CALCR: variants seen among roughly 807,000 people sequenced by gnomAD.
CALCR encodes calcitonin receptor.
A neutral mutation model predicts 59.5 loss-of-function variants in CALCR; 47 were observed. That is an observed-to-expected ratio of 0.79 (90% CI 0.63 to 1.01). The LOEUF (loss-of-function observed/expected upper bound fraction) is 1.01, where lower values mean the gene tolerates loss of function less well. Ranked by LOEUF, CALCR falls within the 50% of genes least tolerant of loss-of-function variation. The pLI is 0.00. For missense variants in CALCR, 566 were observed against 597.1 expected, an observed-to-expected ratio of 0.95 and a Z score of 0.54; for synonymous variants, 213 against 211.3, an observed-to-expected ratio of 1.01 and a Z score of -0.07.
At position 93,486,911 on chromosome 7, in the gene CALCR, A is replaced by T; in HGVS notation, c.51+20T>A. ...AGCATTCTTCATTAGCATGGCTTTG[A>T]ATACTTTTGTTTTACTTACATTTAG... On this transcript the variant is annotated intron_variant, in intron 3 of 13. Transcript: ENST00000426151. 2 of 1,411,318 alleles carry T rather than the reference A, an allele frequency of 1.4e-6. No individual in the cohort carries two copies. The highest frequency in any genetic ancestry group is 1.7e-5 in the Admixed American group (1 of 58,064). The allele number at this position is 1,411,318 out of a possible 1,614,324, so 87.4% of individuals were successfully genotyped here.
chr7:93,478,636 A>AATATAT lies in CALCR; in HGVS notation c.205+712_205+717dup, dbSNP rs10543619. On this transcript the variant is annotated intron_variant, in intron 4 of 13. Transcript: ENST00000426151. Reference sequence around the variant, plus strand: ...GGCGAGAGAGTGAGACCCTGTCTTAAATATATATATATATATATATATATA... The same window carrying AATATAT: ...GGCGAGAGAGTGAGACCCTGTCTTAAATATATATATATATATATATATATATATATA... Among the ~76,000 whole-genome samples, 337 of 147,562 alleles carry AATATAT rather than the reference A, an allele frequency of 2.3e-3. 2 individuals are homozygous for AATATAT. The highest frequency in any genetic ancestry group is 0.011 in the Admixed American group (161 of 14,588).
chr7:93,439,720 G>C (rs1022626255), intron 9 of CALCR, among the ~76,000 whole-genome samples: 2 of 151,990 alleles, frequency 1.3e-5, no homozygotes, highest in Non-Finnish European at 2.9e-5. Context: ...CATTTTTTAA[G>C]AGGGATTTAA....
intron 2 of CALCR, among the ~76,000 whole-genome samples, chr7:93,532,837 G>GAAAAAAAAAAAAAA (rs1788876291): frequency 4.6e-5 from 1 of 21,738 alleles, no homozygotes; most frequent in Non-Finnish European, 8.4e-5. Context: ...CATGTCCAAA[G>GAAAAAAAAAAAAAA]CAAAAAAAAA....
intron 2 of CALCR, among the ~76,000 whole-genome samples, chr7:93,490,654 C>T (rs1167246392): frequency 6.6e-6 from 1 of 151,754 alleles, no homozygotes; most frequent in Non-Finnish European, 1.5e-5. Context: ...CTCCAATTCA[C>T]AATCATTACA....
chr7:93,554,923 C>A (rs1302079513), intron 2 of CALCR, among the ~76,000 whole-genome samples: 1 of 151,634 alleles, frequency 6.6e-6, no homozygotes, highest in East Asian at 1.9e-4. Context: ...AGGATCATCC[C>A]TATTGATTAT....
chr7:93,564,201 C>T (rs1039293121), intron 2 of CALCR, among the ~76,000 whole-genome samples: 6 of 151,752 alleles, frequency 4.0e-5, no homozygotes, highest in East Asian at 1.9e-4. Flanking sequence ...ATTTAATTTC[C>T]GAGAATCTAC....
At chr7:93,474,927 A>G (rs1026648720) in intron 5 of CALCR, among the ~76,000 whole-genome samples, 11 of 151,786 alleles carry the variant, frequency 7.2e-5, no homozygotes, top group Non-Finnish European at 1.6e-4. Flanking sequence ...TAATATTTGA[A>G]GAACACTGCT....
intron 8 of CALCR, among the ~76,000 whole-genome samples, chr7:93,447,467 C>G (rs1030952696): frequency 1.1e-4 from 16 of 151,894 alleles, no homozygotes; most frequent in Admixed American, 1.1e-3. Context: ...GAAACAAGAC[C>G]AACCTTATAA....
At chr7:93,488,576 T>A (rs1801000326) in intron 2 of CALCR, among the ~76,000 whole-genome samples, 17 of 17,972 alleles carry the variant, frequency 9.5e-4, no homozygotes, top group East Asian at 5.4e-3. Context: ...ACCAAGCAAA[T>A]GGAAAGAAAA....
intron 2 of CALCR, among the ~76,000 whole-genome samples, chr7:93,548,494 G>C (rs1451538848): frequency 6.6e-6 from 1 of 151,842 alleles, no homozygotes; most frequent in Non-Finnish European, 1.5e-5. Flanking sequence ...TAGAACCGAG[G>C]GAAATAACTA....
intron 7 of CALCR, among the ~76,000 whole-genome samples, chr7:93,462,461 C>A (rs1306626040): frequency 3.3e-5 from 5 of 152,054 alleles, no homozygotes; most frequent in African/African-American, 2.4e-5. Flanking sequence ...TTATGTGAAA[C>A]CTCATGCTCG....
At chr7:93,436,205 G>T (rs1308085219) in intron 11 of CALCR, 35 bp from the exon 12 acceptor site, 3 of 1,532,460 alleles carry the variant, frequency 2.0e-6, no homozygotes, top group Non-Finnish European at 2.7e-6. Flanking sequence ...AAATCATACA[G>T]AAAAGTATCA....
At chr7:93,467,380 T>C (rs1800461688) in intron 7 of CALCR, among the ~76,000 whole-genome samples, 1 of 151,664 alleles carries the variant, frequency 6.6e-6, no homozygotes, top group African/African-American at 2.4e-5. Context: ...TTCACCTCTA[T>C]TGCTTAGTCA....
intron 7 of CALCR, chr7:93,462,002 G>T: frequency 1.0e-6 from 1 of 978,796 alleles, no homozygotes; most frequent in Non-Finnish European, 1.5e-6. Context: ...TAGAAATGAA[G>T]AATTTTGAAA....
At chr7:93,536,693 T>A (rs773691961) in intron 2 of CALCR, among the ~76,000 whole-genome samples, 2 of 151,790 alleles carry the variant, frequency 1.3e-5, no homozygotes, top group African/African-American at 4.8e-5. Context: ...TATCCCTACC[T>A]TTTTGTTTCT....
intron 6 of CALCR, among the ~76,000 whole-genome samples, chr7:93,471,524 A>G (rs1477218456): frequency 6.6e-6 from 1 of 151,870 alleles, no homozygotes; most frequent in Non-Finnish European, 1.5e-5. Flanking sequence ...GCATCTCAAC[A>G]GCAAACAAAG....
intron 3 of CALCR, chr7:93,482,666 T>C: frequency 2.4e-6 from 1 of 422,738 alleles, no homozygotes; most frequent in South Asian, 1.8e-5. Flanking sequence ...TTTTCAATTA[T>C]ATTTTTATTT....
chr7:93,476,084 A>AT (rs201639961), intron 5 of CALCR, among the ~76,000 whole-genome samples: 37 of 149,422 alleles, frequency 2.5e-4, no homozygotes, highest in Middle Eastern at 3.4e-3. Flanking sequence ...TAAGCTCACA[A>AT]TTTTTTTTTT....
intron 2 of CALCR, among the ~76,000 whole-genome samples, chr7:93,511,694 A>G (rs1801551186): frequency 1.3e-5 from 2 of 152,190 alleles, no homozygotes; most frequent in Non-Finnish European, 2.9e-5. Flanking sequence ...ACATACACTA[A>G]ATAGTTACAG....
Sources: gnomAD v4.1 joint callset for allele counts (sites outside exome capture counted in the v4.1 genomes callset) on GRCh38, gnomAD v4.1.1 for gene constraint, MANE v1.5 for transcripts, NCBI Gene and HGNC (gene_info 2026-07-23, HGNC 2026-07-21) for gene names.